Variants in IQCM observed in about 807,000 individuals in gnomAD.
The protein encoded by IQCM is IQ motif containing M.
In IQCM, 45 loss-of-function variants were observed where a neutral mutation model predicts 57.6. The ratio of observed to expected loss-of-function variants is 0.78; its 90% CI spans 0.62 to 1.00. The LOEUF (loss-of-function observed/expected upper bound fraction) is 1.00. Among genes scored for constraint, IQCM ranks in the 50% least tolerant of loss-of-function variants. IQCM has a pLI of 0.00. For synonymous variants in IQCM, 148 were observed against 158.9 expected (o/e 0.93, Z 0.51); for missense variants, 468 against 511.6 (o/e 0.91, Z 0.82).
At chr4:149,748,854 A>G (rs1008822502) in intron 2 of IQCM, 2 of 152,236 alleles carry the variant, frequency 1.3e-5, no homozygotes, top group Non-Finnish European at 2.9e-5. Context: ...TAGTCCATGT[A>G]TCATCCACAA....
At chr4:149,456,771 AAAG>A (rs1400863114) in intron 12 of IQCM, among the ~76,000 whole-genome samples, 2 of 152,124 alleles carry the variant, frequency 1.3e-5, no homozygotes, top group African/African-American at 2.4e-5. Flanking sequence ...CAGAAGGACG[AAAG>A]AAGGTCAGAA....
rs1238761674 is a variant in IQCM, at chr4:149,432,167, C to T, written c.1390+1229G>A. 2.0e-5 allele frequency among the ~76,000 whole-genome samples: 3 copies of T among 151,744 alleles called. No homozygotes were observed. The East Asian group carries it at 5.8e-4, about 29-fold the overall frequency. On this transcript the variant is annotated intron_variant, in intron 13 of 13. Transcript: ENST00000636793. ...TCAAAGTGGCTGTATTATTTTGCAT[C>T]TCCACCAGTAATGTGTGAGTGTTTG...
intron 7 of IQCM, among the ~76,000 whole-genome samples, chr4:149,628,199 T>A (rs1297802282): frequency 6.6e-6 from 1 of 152,066 alleles, no homozygotes; most frequent in East Asian, 1.9e-4. Flanking sequence ...TGTTTAAATC[T>A]AAAAATATTC....
chr4:149,417,874 G>T (rs1403756402), intron 13 of IQCM, among the ~76,000 whole-genome samples: 1 of 145,518 alleles, frequency 6.9e-6, no homozygotes, highest in East Asian at 2.0e-4. Flanking sequence ...GCCACTTGAA[G>T]ATTGTAGGAA....
At chr4:149,356,180 C>A (rs1280135959) in intron 13 of IQCM, among the ~76,000 whole-genome samples, 1 of 152,076 alleles carries the variant, frequency 6.6e-6, no homozygotes, top group East Asian at 1.9e-4. Flanking sequence ...AAAATTTTCT[C>A]CCATTCTGTA....
chr4:149,756,502 G>A (rs1209818814), intron 2 of IQCM, among the ~76,000 whole-genome samples: 1 of 151,970 alleles, frequency 6.6e-6, no homozygotes, highest in African/African-American at 2.4e-5. Context: ...CAAACATATA[G>A]ATCCTCAAAA....
intron 5 of IQCM, among the ~76,000 whole-genome samples, chr4:149,712,283 G>A (rs557691163): frequency 1.3e-4 from 20 of 152,194 alleles, no homozygotes; most frequent in African/African-American, 4.8e-4. Context: ...CAGCTGTTTT[G>A]CACCGGACAG....
chr4:149,659,992 A>C (rs1760022218), intron 7 of IQCM, among the ~76,000 whole-genome samples: 1 of 151,268 alleles, frequency 6.6e-6, no homozygotes, highest in African/African-American at 2.4e-5. Flanking sequence ...GGATCTAATT[A>C]AACTAAAGAG....
At chr4:149,529,771 C>T (rs1746546524) in intron 12 of IQCM, among the ~76,000 whole-genome samples, 1 of 152,132 alleles carries the variant, frequency 6.6e-6, no homozygotes, top group African/African-American at 2.4e-5. Flanking sequence ...CAATAGCTTC[C>T]CAGCCAATTC....
At chr4:149,358,874 A>ACTC (rs1729237868) in intron 13 of IQCM, among the ~76,000 whole-genome samples, 2 of 152,100 alleles carry the variant, frequency 1.3e-5, no homozygotes, top group Non-Finnish European at 2.9e-5. Context: ...TCATGAGTAT[A>ACTC]TCATGAGACC....
intron 5 of IQCM, among the ~76,000 whole-genome samples, chr4:149,715,845 G>A (rs1157998556): frequency 6.6e-6 from 1 of 152,210 alleles, no homozygotes; most frequent in Admixed American, 6.5e-5. Context: ...CAACATCAAT[G>A]TCTCTGCAGC....
chr4:149,567,859 T>C (rs1750780498), intron 9 of IQCM, among the ~76,000 whole-genome samples: 1 of 152,154 alleles, frequency 6.6e-6, no homozygotes, highest in African/African-American at 2.4e-5. Flanking sequence ...AGATGTTTCC[T>C]ATATATTGGC....
intron 13 of IQCM, among the ~76,000 whole-genome samples, chr4:149,415,554 G>A (rs1291894736): frequency 6.6e-6 from 1 of 152,010 alleles, no homozygotes; most frequent in African/African-American, 2.4e-5. Flanking sequence ...TCTGTTTTGT[G>A]GCTCCTGCTT....
intron 7 of IQCM, among the ~76,000 whole-genome samples, chr4:149,673,092 A>C (rs561523599): frequency 6.6e-6 from 1 of 152,276 alleles, no homozygotes; most frequent in Admixed American, 6.5e-5. Flanking sequence ...TTTTGTCACC[A>C]CCAGGCCTGC....
At position 149,477,673 on chromosome 4, in the gene IQCM, C is replaced by T. The variant is rs543697525; in HGVS notation, c.1229-44116G>A. ...GAAATTATGCTTTCAGAATGGGTAGCTAAAGCGGAACAAAGGATAGGTCAC... is the reference window on the plus strand; with the variant it reads ...GAAATTATGCTTTCAGAATGGGTAGTTAAAGCGGAACAAAGGATAGGTCAC... On this transcript the variant is annotated intron_variant, in intron 12 of 13. Transcript: ENST00000636793. Among the ~76,000 whole-genome samples the T allele has an allele frequency of 6.6e-5, 10 of 152,216 alleles. No individual in the cohort carries two copies. In the South Asian group the frequency reaches 2.1e-3, roughly 32 times the overall value.
intron 13 of IQCM, among the ~76,000 whole-genome samples, chr4:149,366,230 C>T (rs968731215): frequency 6.6e-6 from 1 of 151,902 alleles, no homozygotes; most frequent in Non-Finnish European, 1.5e-5. Flanking sequence ...TAAAAGAGTA[C>T]CAACAGTATA....
intron 2 of IQCM, among the ~76,000 whole-genome samples, chr4:149,761,600 G>A (rs1229078549): frequency 6.6e-6 from 1 of 152,014 alleles, no homozygotes; most frequent in Non-Finnish European, 1.5e-5. Context: ...AAATCTTGTA[G>A]TATGGTTATT....
intron 12 of IQCM, among the ~76,000 whole-genome samples, chr4:149,503,649 T>C (rs1743494085): frequency 6.6e-6 from 1 of 152,064 alleles, no homozygotes; most frequent in African/African-American, 2.4e-5. Context: ...TGAAGGTATA[T>C]GCCAGTGAAC....
intron 2 of IQCM, among the ~76,000 whole-genome samples, chr4:149,742,951 C>T (rs1181040598): frequency 6.6e-6 from 1 of 152,106 alleles, no homozygotes; most frequent in African/African-American, 2.4e-5. Flanking sequence ...CTCATATACA[C>T]ATTGCCTTAC....
Sources: gnomAD v4.1 joint callset for allele counts (sites outside exome capture counted in the v4.1 genomes callset) on GRCh38, gnomAD v4.1.1 for gene constraint, MANE v1.5 for transcripts, NCBI Gene and HGNC (gene_info 2026-07-23, HGNC 2026-07-21) for gene names.